Variants in RIC1 observed in about 807,000 individuals in gnomAD.
RIC1 encodes the protein RIC1 partner of RAB6A GEF complex.
In RIC1, 88 loss-of-function variants were observed where a neutral mutation model predicts 169.0. The observed-to-expected ratio is 0.52, with a 90% confidence interval of 0.44 to 0.62. The LOEUF (loss-of-function observed/expected upper bound fraction) is 0.62, where lower values mean the gene tolerates loss of function less well. RIC1 is among the 20% of genes least tolerant of loss of function. The pLI, the probability that RIC1 is intolerant of heterozygous loss-of-function variation, is 0.00. For missense variants in RIC1, 1,877 were observed against 1,725.5 expected (o/e 1.09, Z -1.56); for synonymous variants, 790 against 601.5 (o/e 1.31, Z -4.59).
chr9:5,648,511 T>G (rs1379408873), intron 1 of RIC1, among the ~76,000 whole-genome samples: 1 of 152,216 alleles, frequency 6.6e-6, no homozygotes, highest in Non-Finnish European at 1.5e-5. Flanking sequence ...CTTTGATGTA[T>G]TTATTTTGTT....
intron 14 of RIC1, among the ~76,000 whole-genome samples, chr9:5,754,411 GA>G (rs1825884462): frequency 6.6e-6 from 1 of 152,188 alleles, no homozygotes; most frequent in African/African-American, 2.4e-5. Context: ...TCATTGGAGA[GA>G]GGGGGAGTAA....
chr9:5,773,909 A>T (rs1827414335), intron 25 of RIC1, 49 bp from the exon 26 acceptor site: 7 of 1,492,424 alleles, frequency 4.7e-6, no homozygotes, highest in East Asian at 2.3e-5. Flanking sequence ...TGTTCTACCA[A>T]ACCTTTTGAA....
chr9:5,644,286 C>G (rs573569733), intron 1 of RIC1, among the ~76,000 whole-genome samples: 1 of 152,170 alleles, frequency 6.6e-6, no homozygotes, highest in African/African-American at 2.4e-5. Context: ...TTTAGCTTTC[C>G]TAGAATTTTC....
At chr9:5,702,879 G>T (rs182208616) in intron 3 of RIC1, among the ~76,000 whole-genome samples, 2 of 152,210 alleles carry the variant, frequency 1.3e-5, no homozygotes, top group Non-Finnish European at 1.5e-5. Flanking sequence ...CAGATCTCAC[G>T]ATAACTTACT....
intron 1 of RIC1, among the ~76,000 whole-genome samples, chr9:5,630,804 A>G (rs917197502): frequency 9.9e-5 from 15 of 152,230 alleles, no homozygotes; most frequent in East Asian, 3.8e-4. Context: ...ATAAAGTATC[A>G]TCTGGTTCCT....
rs1820893687 is a variant in RIC1 at position 5,682,236 on chromosome 9, G to A, written c.253-7723G>A. On this transcript the variant is annotated intron_variant, in intron 2 of 25. Transcript: ENST00000414202. ...CTGGTTATTTTGCTTGTTAGTTGATGCAGTTTCTTCCTAGCCTTGATGGTC... is the reference window on the plus strand; with the variant it reads ...CTGGTTATTTTGCTTGTTAGTTGATACAGTTTCTTCCTAGCCTTGATGGTC... 1.3e-5 allele frequency among the ~76,000 whole-genome samples: 2 copies of A among 152,274 alleles called. 1 individual carries two copies. The highest frequency in any genetic ancestry group is 3.9e-4 in the East Asian group (2 of 5,184).
chr9:5,767,134 T>A (rs1415081511), intron 21 of RIC1, among the ~76,000 whole-genome samples: 58 of 152,374 alleles, frequency 3.8e-4, no homozygotes, highest in Non-Finnish European at 8.8e-5. Flanking sequence ...GATAAATCTG[T>A]AGGTAATCCA....
intron 17 of RIC1, among the ~76,000 whole-genome samples, chr9:5,759,352 G>T (rs938662131): frequency 2.6e-5 from 4 of 152,120 alleles, no homozygotes; most frequent in South Asian, 4.1e-4. Flanking sequence ...CAAGTATAGA[G>T]AGTCATCTTC....
intron 6 of RIC1, among the ~76,000 whole-genome samples, chr9:5,731,315 T>C (rs7048449): frequency 0.076 from 11,566 of 152,110 alleles, 852 homozygotes; most frequent in African/African-American, 0.19. Context: ...TAATGCTCAC[T>C]GCTGTCTTTA....
chr9:5,721,697 C>A (rs1212213852), intron 6 of RIC1, among the ~76,000 whole-genome samples: 1 of 152,166 alleles, frequency 6.6e-6, no homozygotes, highest in Non-Finnish European at 1.5e-5. Flanking sequence ...CAACTCCTGT[C>A]TCTGTCAGTA....
intron 2 of RIC1, among the ~76,000 whole-genome samples, chr9:5,670,352 A>AG (rs1820016898): frequency 6.6e-6 from 1 of 152,194 alleles, no homozygotes; most frequent in Non-Finnish European, 1.5e-5. Context: ...GAATGCTCTT[A>AG]GGGGAAAAAA....
chr9:5,754,122 G>T (rs1218987125), intron 14 of RIC1, among the ~76,000 whole-genome samples: 1 of 151,994 alleles, frequency 6.6e-6, no homozygotes, highest in East Asian at 1.9e-4. Context: ...GCATTTTAAG[G>T]CACTTTCATA....
intron 2 of RIC1, among the ~76,000 whole-genome samples, chr9:5,672,675 T>A (rs2130577367): frequency 6.6e-6 from 1 of 152,310 alleles, no homozygotes; most frequent in African/African-American, 2.4e-5. Context: ...TTACCTAGTT[T>A]AGAAACATTG....
intron 1 of RIC1, among the ~76,000 whole-genome samples, chr9:5,634,108 GTTACATTTTCTT>G (rs987617963): frequency 1.1e-4 from 16 of 152,156 alleles, no homozygotes; most frequent in African/African-American, 3.4e-4. Flanking sequence ...ATGTGTGTGT[GTTACATTTTCTT>G]TATCCATTCA....
At chr9:5,659,328 G>A (rs1217353859) in intron 2 of RIC1, among the ~76,000 whole-genome samples, 2 of 152,112 alleles carry the variant, frequency 1.3e-5, no homozygotes, top group Non-Finnish European at 2.9e-5. Context: ...AAATCAGGAA[G>A]TGGAATCCTC....
At chr9:5,636,634 A>T (rs930029150) in intron 1 of RIC1, among the ~76,000 whole-genome samples, 3 of 151,934 alleles carry the variant, frequency 2.0e-5, no homozygotes, top group Non-Finnish European at 4.4e-5. Context: ...TTCTTAATTT[A>T]TTTTTTAGAT....
At chr9:5,713,160 A>T (rs915387802) in intron 3 of RIC1, 1 of 152,214 alleles carries the variant, frequency 6.6e-6, no homozygotes, top group Non-Finnish European at 1.5e-5. Context: ...AATTGTTGCC[A>T]CAAGTGATAG....
At chr9:5,706,891 TTC>T (rs1490423670) in intron 3 of RIC1, among the ~76,000 whole-genome samples, 2 of 152,146 alleles carry the variant, frequency 1.3e-5, no homozygotes, top group African/African-American at 4.8e-5. Context: ...TAATTGATTT[TTC>T]TCTGTTTTTC....
chr9:5,673,061 G>T (rs1457156664), intron 2 of RIC1, among the ~76,000 whole-genome samples: 1 of 152,078 alleles, frequency 6.6e-6, no homozygotes, highest in Non-Finnish European at 1.5e-5. Context: ...CAAGCAAGTG[G>T]ACATGTAACT....
Sources: gnomAD v4.1 joint callset for allele counts (sites outside exome capture counted in the v4.1 genomes callset) on GRCh38, gnomAD v4.1.1 for gene constraint, MANE v1.5 for transcripts, NCBI Gene and HGNC (gene_info 2026-07-23, HGNC 2026-07-21) for gene names.